The following RORA variants were observed in gnomAD, a reference collection of about 807,000 sequenced individuals.
The protein encoded by RORA is RAR related orphan receptor A.
In RORA, 7 loss-of-function variants were observed where a neutral mutation model predicts 69.5. The observed-to-expected ratio is 0.10, with a 90% CI of 0.06 to 0.19. The LOEUF is 0.19. Among genes scored for constraint, RORA ranks in the 10% least tolerant of loss-of-function variants. RORA has a pLI of 1.00. For synonymous variants in RORA, 261 were observed against 240.8 expected (o/e 1.08, Z -0.78); for missense variants, 457 against 663.0 (o/e 0.69, Z 3.41).
chr15:60,897,073 G>A (rs542216344), intron 1 of RORA, among the ~76,000 whole-genome samples: 14 of 152,226 alleles, frequency 9.2e-5, no homozygotes, highest in African/African-American at 3.1e-4. Context: ...GGTGGGAGAC[G>A]TTTTCGATGT....
chr15:60,944,676 G>T (rs1420218942), intron 1 of RORA, among the ~76,000 whole-genome samples: 1 of 131,640 alleles, frequency 7.6e-6, no homozygotes, highest in Admixed American at 8.7e-5. Context: ...AGTGAGCTGA[G>T]ATCATACCAC....
chr15:60,835,092 G>A (rs2073098913), intron 1 of RORA, among the ~76,000 whole-genome samples: 1 of 152,152 alleles, frequency 6.6e-6, no homozygotes, highest in Non-Finnish European at 1.5e-5. Flanking sequence ...AGACCGGGTA[G>A]CAGTGGTATT....
chr15:61,195,778 C>G (rs2079840707), intron 1 of RORA: 1 of 152,210 alleles, frequency 6.6e-6, no homozygotes, highest in South Asian at 2.1e-4. Context: ...CAATGAGTCA[C>G]AGCCTATTTG....
intron 2 of RORA, among the ~76,000 whole-genome samples, chr15:60,544,069 G>C (rs141475394): frequency 4.5e-4 from 68 of 152,248 alleles, no homozygotes; most frequent in African/African-American, 1.5e-3. Context: ...TACAGGGTTC[G>C]GAGGCTCTCA....
At chr15:60,965,167 T>C (rs1893519231) in intron 1 of RORA, among the ~76,000 whole-genome samples, 1 of 152,172 alleles carries the variant, frequency 6.6e-6, no homozygotes, top group Non-Finnish European at 1.5e-5. Flanking sequence ...TTATGGGCCT[T>C]GGGTACTGCA....
chr15:60,738,768 T>C (rs1399433801), intron 1 of RORA, among the ~76,000 whole-genome samples: 1 of 152,238 alleles, frequency 6.6e-6, no homozygotes, highest in Non-Finnish European at 1.5e-5. Flanking sequence ...GGAAGCGCAT[T>C]GTCTTACAGA....
At position 61,025,678 on chromosome 15, in the gene RORA, T is replaced by C. The variant is rs76010806; in HGVS notation, c.166+203375A>G. Among the ~76,000 whole-genome samples, 1,333 of 152,266 alleles carry C rather than the reference T, an allele frequency of 8.8e-3. 20 individuals carry two copies. Among genetic ancestry groups the C allele is most frequent in the African/African-American group, 0.03 (1,258 of 41,556 alleles). ...CCAGACACGGTTCTGAGTTTAAAAGTAGAAGAAATCTGGTCCAGTGTAAAT... is the reference window on the plus strand; with the variant it reads ...CCAGACACGGTTCTGAGTTTAAAAGCAGAAGAAATCTGGTCCAGTGTAAAT... On this transcript the variant is annotated intron_variant, in intron 1 of 10. Transcript: ENST00000335670.
chr15:60,877,824 A>G (rs952881390), intron 1 of RORA, among the ~76,000 whole-genome samples: 3 of 152,234 alleles, frequency 2.0e-5, no homozygotes, highest in African/African-American at 7.2e-5. Context: ...ATGTCTGAAT[A>G]TACCCATAAT....
At chr15:60,763,493 C>T (rs560122683) in intron 1 of RORA, among the ~76,000 whole-genome samples, 12 of 152,280 alleles carry the variant, frequency 7.9e-5, no homozygotes, top group Non-Finnish European at 1.6e-4. Context: ...GCATGTTAAA[C>T]TCTTGACGAG....
In RORA at chr15:60,615,048, G is replaced by A. The variant is rs550745370; in HGVS notation, c.196+63609C>T. On this transcript the variant is annotated intron_variant, in intron 2 of 10. Coordinates refer to ENST00000335670, the MANE Select transcript of RORA (RefSeq NM_134261.3). ...AAGAGCTGTCAGGGAAAACAGAACA[G>A]CGTCAACCCACACACAGCCCCCTTT... The A allele has an allele frequency of 1.6e-5, 26 of 1,603,914 alleles. No homozygotes were observed. In the Admixed American group the frequency reaches 1.7e-4, roughly 10 times the overall value.
At position 60,828,486 on chromosome 15, in the gene RORA, TG is replaced by T. The variant is rs2072995900; in HGVS notation, c.167-149801del. 2.6e-5 allele frequency among the ~76,000 whole-genome samples: 4 copies of T among 152,194 alleles called. No individual in the cohort carries two copies. The South Asian group carries it at 8.3e-4, about 32-fold the overall frequency. ...TGGATTTAGCTACAGTGTGGGGGTCTGTTCATTTCCAGCATCTCTGGGTGGC... is the reference window on the plus strand; with the variant it reads ...TGGATTTAGCTACAGTGTGGGGGTCTTTCATTTCCAGCATCTCTGGGTGGC... On this transcript the variant is annotated intron_variant, in intron 1 of 10. Transcript: ENST00000335670.
chr15:60,959,762 G>T (rs374426930), intron 1 of RORA, among the ~76,000 whole-genome samples: 1 of 152,284 alleles, frequency 6.6e-6, no homozygotes, highest in East Asian at 1.9e-4. Flanking sequence ...CGGATTAAAT[G>T]GTCCTGAAGG....
At chr15:61,003,132 T>A in intron 1 of RORA, among the ~76,000 whole-genome samples, 1 of 139,176 alleles carries the variant, frequency 7.2e-6, no homozygotes, top group Non-Finnish European at 1.5e-5. Context: ...TGAGACTCAG[T>A]CTCAAAAAAA....
chr15:60,567,237 G>T (rs1449682326), intron 2 of RORA, among the ~76,000 whole-genome samples: 1 of 150,450 alleles, frequency 6.6e-6, no homozygotes, highest in South Asian at 2.1e-4. Context: ...TATTCCAAAC[G>T]GCGACAGAGC....
chr15:60,783,465 T>A (rs573683622), intron 1 of RORA, among the ~76,000 whole-genome samples: 14 of 152,198 alleles, frequency 9.2e-5, no homozygotes, highest in Non-Finnish European at 1.3e-4. Context: ...AATTCACATA[T>A]GCATTACCTC....
intron 1 of RORA, among the ~76,000 whole-genome samples, chr15:60,907,452 T>C (rs1891578518): frequency 6.6e-6 from 1 of 152,198 alleles, no homozygotes; most frequent in African/African-American, 2.4e-5. Flanking sequence ...TGACATTCCC[T>C]CTCTGGGCTC....
At chr15:60,991,291 A>G (rs1248627477) in intron 1 of RORA, among the ~76,000 whole-genome samples, 1 of 152,208 alleles carries the variant, frequency 6.6e-6, no homozygotes, top group Non-Finnish European at 1.5e-5. Context: ...GAATGAATGA[A>G]TGAATGAAAT....
In RORA at chr15:61,147,033, G is replaced by C. The variant is rs904248091; in HGVS notation, c.166+82020C>G. Among the ~76,000 whole-genome samples, 4 of 150,686 alleles carry C rather than the reference G, an allele frequency of 2.7e-5. No homozygotes were observed. The highest frequency in any genetic ancestry group is 6.6e-5 in the Admixed American group (1 of 15,090). On this transcript the variant is annotated intron_variant, in intron 1 of 10. Transcript: ENST00000335670. This position sits in a 1 kb window ranked among gnomAD's most constrained non-coding sequence, Gnocchi z 4.1. ...TTCATGGTGGGGGGCAGTCACGGGG[G>C]AACTAAATGGATTCCATTTCCTCTG...
At chr15:60,915,231 A>C (rs1180483214) in intron 1 of RORA, among the ~76,000 whole-genome samples, 1 of 152,228 alleles carries the variant, frequency 6.6e-6, no homozygotes, top group Non-Finnish European at 1.5e-5. Flanking sequence ...GGCCAGAAGA[A>C]GCATCAAGAC....
Sources: allele counts gnomAD v4.1 joint callset (sites outside exome capture counted in the v4.1 genomes callset), GRCh38; gene constraint gnomAD v4.1.1; non-coding constraint Gnocchi (gnomAD v3.1); transcripts MANE v1.5; gene names NCBI Gene and HGNC (gene_info 2026-07-23, HGNC 2026-07-21).